PATJ: variants seen among roughly 807,000 people sequenced by gnomAD.
PATJ encodes the protein inaD-like protein.
A neutral mutation model predicts 224.9 loss-of-function variants in PATJ; 190 were observed. The ratio of observed to expected loss-of-function variants is 0.84; its 90% CI spans 0.75 to 0.95. The LOEUF is 0.95. PATJ is among the 40% of genes least tolerant of loss of function. The pLI is 0.00. For missense variants in PATJ, 2,121 were observed against 2,270.3 expected (o/e 0.93, Z 1.34); for synonymous variants, 769 against 820.3 (o/e 0.94, Z 1.07).
chr1:61,991,129 T>C (rs1019449740), intron 28 of PATJ, among the ~76,000 whole-genome samples: 1 of 152,016 alleles, frequency 6.6e-6, no homozygotes, highest in East Asian at 1.9e-4. Context: ...GCTCACAGTC[T>C]AGAAGAAGAA....
In PATJ at chr1:62,116,679, G is replaced by C. The variant is rs1344732359; in HGVS notation, c.4803G>C (p.Lys1601Asn). ...ASQETVATIL[K>N]CAQGLVQLEI... Reference sequence around the variant, plus strand: ...AGGAGACAGTGGCCACCATCCTCAAGGTGAGTTGCTAGGCTGCTTTTTACC... The same window carrying C: ...AGGAGACAGTGGCCACCATCCTCAACGTGAGTTGCTAGGCTGCTTTTTACC... Residue 1601 changes from lysine to asparagine, a missense_variant and splice_region_variant, in exon 36 of 44, where the codon AAG becomes AAC. By Grantham distance (94) the Lys-to-Asn change is moderately conservative (BLOSUM62 0). Transcript: ENST00000642238. 2 of 1,606,108 alleles carry C rather than the reference G, an allele frequency of 1.2e-6. No homozygotes were observed. The highest frequency in any genetic ancestry group is 4.5e-5 in the East Asian group (2 of 44,702).
intron 27 of PATJ, among the ~76,000 whole-genome samples, chr1:61,955,403 A>T (rs1680304432): frequency 6.6e-6 from 1 of 152,158 alleles, no homozygotes; most frequent in South Asian, 2.1e-4. Context: ...GAAGAGACTG[A>T]GCTTATGAAG....
In PATJ at chr1:62,108,522, T is replaced by C. The variant is rs1232730204; in HGVS notation, c.4461+2T>C. On this transcript the variant is annotated splice_donor_variant, in intron 34 of 43. Coordinates refer to ENST00000642238, the MANE Select transcript of PATJ (RefSeq NM_001350145.3). LOFTEE classifies it high-confidence loss of function. ...TGGGCTGGTGACCAGATATTAGAGG[T>C]ATATGGTTTTGAATTTTATTTTATA... is the stretch of plus-strand genomic sequence containing the variant. The C allele has an allele frequency of 1.3e-6, 2 of 1,589,950 alleles. No individual in the cohort carries two copies. The highest frequency in any genetic ancestry group is 2.7e-5 in the African/African-American group (2 of 74,290).
intron 26 of PATJ, among the ~76,000 whole-genome samples, chr1:61,924,385 A>G (rs192537434): frequency 2.6e-5 from 4 of 152,180 alleles, no homozygotes; most frequent in Admixed American, 1.3e-4. Flanking sequence ...GAAAAGAAAT[A>G]CTAGTATTAA....
rs112412766 is a variant in PATJ at position 62,134,688 on chromosome 1, T to G, written c.5271+5743T>G. 2.0e-3 allele frequency among the ~76,000 whole-genome samples: 300 copies of G among 152,258 alleles called. 2 individuals carry two copies. The highest frequency in any genetic ancestry group is 6.6e-3 in the African/African-American group (275 of 41,556). The stretch of plus-strand genomic sequence containing the variant: ...TGGAAAATCCTTTGTTTAGAAACTC[T>G]CCATCGAAGAATAGGGAGTGCCTGG... On this transcript the variant is annotated intron_variant, in intron 41 of 43. Transcript: ENST00000642238.
chr1:62,102,892 C>T (rs1409061031), intron 33 of PATJ, among the ~76,000 whole-genome samples: 2 of 116,020 alleles, frequency 1.7e-5, no homozygotes, highest in South Asian at 5.8e-4. Flanking sequence ...AAAAGAATAA[C>T]AAATGAGAGG....
chr1:62,005,166 T>A (rs1041927669), intron 28 of PATJ, among the ~76,000 whole-genome samples: 10 of 151,936 alleles, frequency 6.6e-5, no homozygotes, highest in African/African-American at 2.4e-4. Context: ...AGACATAGTT[T>A]CACCTGTCAC....
intron 24 of PATJ, 68 bp downstream of exon 24, chr1:61,901,527 A>C: frequency 8.5e-7 from 1 of 1,179,930 alleles, no homozygotes. Context: ...TCATTTAGCT[A>C]GAAGACCTTT....
chr1:61,994,884 C>T (rs553720510), intron 28 of PATJ, among the ~76,000 whole-genome samples: 6 of 152,122 alleles, frequency 3.9e-5, no homozygotes, highest in African/African-American at 1.2e-4. Context: ...ATTTATAACC[C>T]ATCTTCTCAT....
chr1:61,942,444 A>T (rs1023380860), intron 27 of PATJ, among the ~76,000 whole-genome samples: 7 of 152,184 alleles, frequency 4.6e-5, no homozygotes, highest in Non-Finnish European at 8.8e-5. Flanking sequence ...CTGCACATTC[A>T]CTAGAATGAT....
intron 26 of PATJ, among the ~76,000 whole-genome samples, chr1:61,924,845 A>C (rs1674869678): frequency 6.6e-6 from 1 of 152,232 alleles, no homozygotes; most frequent in African/African-American, 2.4e-5. Flanking sequence ...AGACATAGGA[A>C]TGTAAAACCC....
chr1:62,139,000 T>C (rs1432670844), intron 41 of PATJ, among the ~76,000 whole-genome samples: 1 of 152,086 alleles, frequency 6.6e-6, no homozygotes, highest in Non-Finnish European at 1.5e-5. Context: ...GCAAGCTCTC[T>C]GGAGGGCAGG....
chr1:62,128,157 C>T, intron 40 of PATJ, 63 bp downstream of exon 40: 2 of 1,592,706 alleles, frequency 1.3e-6, no homozygotes, highest in Non-Finnish European at 1.7e-6. Flanking sequence ...GAAGTTGCAG[C>T]CCTGGGCACC....
intron 9 of PATJ, among the ~76,000 whole-genome samples, chr1:61,792,851 A>G (rs1650184878): frequency 6.6e-6 from 1 of 152,104 alleles, no homozygotes; most frequent in Non-Finnish European, 1.5e-5. Context: ...TTTACCCTCA[A>G]AAGTTTTTTG....
At chr1:61,911,179 A>G (rs991998388) in intron 25 of PATJ, among the ~76,000 whole-genome samples, 7 of 152,108 alleles carry the variant, frequency 4.6e-5, no homozygotes, top group Admixed American at 2.6e-4. Flanking sequence ...GAGCATCACC[A>G]GTACACTTTC....
intron 8 of PATJ, among the ~76,000 whole-genome samples, chr1:61,788,606 GC>G (rs1649098332): frequency 6.6e-6 from 1 of 152,120 alleles, no homozygotes; most frequent in African/African-American, 2.4e-5. Context: ...CTCAACATGG[GC>G]TTTTAATGAA....
At chr1:61,938,448 A>G (rs903593375) in intron 27 of PATJ, among the ~76,000 whole-genome samples, 2 of 152,222 alleles carry the variant, frequency 1.3e-5, no homozygotes, top group Non-Finnish European at 2.9e-5. Flanking sequence ...TACTACCTGG[A>G]TGACAGGGAT....
chr1:61,907,803 C>T (rs1175424286), intron 24 of PATJ, among the ~76,000 whole-genome samples: 1 of 152,182 alleles, frequency 6.6e-6, no homozygotes, highest in African/African-American at 2.4e-5. Flanking sequence ...AAGTTATGTT[C>T]TCTGAAATTT....
At chr1:62,080,453 T>A (rs1659094642) in intron 32 of PATJ, among the ~76,000 whole-genome samples, 1 of 152,088 alleles carries the variant, frequency 6.6e-6, no homozygotes, top group African/African-American at 2.4e-5. Context: ...TGCCTCGGCC[T>A]CCTGAGTAGC....
Sources: allele counts gnomAD v4.1 joint callset (sites outside exome capture counted in the v4.1 genomes callset), GRCh38; gene constraint gnomAD v4.1.1; transcripts MANE v1.5; gene names NCBI Gene and HGNC (gene_info 2026-07-23, HGNC 2026-07-21).